The following TMEM266 variants were observed in gnomAD, a reference collection of about 807,000 sequenced individuals.
TMEM266 encodes Hv1 related protein 1.
In TMEM266, 33 loss-of-function variants were observed where a neutral mutation model predicts 50.5. The observed-to-expected ratio is 0.65, with a 90% CI of 0.50 to 0.87. The LOEUF is 0.87. Ranked by LOEUF, TMEM266 falls within the 40% of genes least tolerant of loss-of-function variation. TMEM266 has a pLI of 0.00. For synonymous variants in TMEM266, 310 were observed against 292.3 expected (o/e 1.06, Z -0.62); for missense variants, 655 against 695.1 (o/e 0.94, Z 0.65).
In TMEM266 at chr15:76,153,599, G is replaced by T. The variant is rs1031439300; in HGVS notation, c.228-3005G>T. ...CTAGAAAAGACCATGCTAGAGCTGT[G>T]GGGGAGGAGTGAGCAGGCAGAGGGC... On this transcript the variant is annotated intron_variant, in intron 3 of 10. Coordinates refer to ENST00000388942, the MANE Select transcript of TMEM266 (RefSeq NM_152335.3). The surrounding 1 kb of genome is among the most constrained non-coding windows in gnomAD (Gnocchi z 4.2). 1.3e-5 allele frequency among the ~76,000 whole-genome samples: 2 copies of T among 152,176 alleles called. No homozygotes were observed. The highest frequency in any genetic ancestry group is 2.9e-5 in the Non-Finnish European group (2 of 68,032).
At chr15:76,173,031 G>A (rs1200983067) in intron 7 of TMEM266, among the ~76,000 whole-genome samples, 1 of 152,168 alleles carries the variant, frequency 6.6e-6, no homozygotes, top group Admixed American at 6.5e-5. Context: ...AGCCTCAGGA[G>A]AGAGACGTGC....
chr15:76,124,616 T>G (rs1251079634), intron 1 of TMEM266, among the ~76,000 whole-genome samples: 1 of 151,884 alleles, frequency 6.6e-6, no homozygotes, highest in Non-Finnish European at 1.5e-5. Flanking sequence ...CTAGGCAACA[T>G]AGCAAGACCC....
chr15:76,188,088 C>A (rs561135443), intron 8 of TMEM266, among the ~76,000 whole-genome samples: 10 of 152,046 alleles, frequency 6.6e-5, no homozygotes, highest in South Asian at 6.2e-4. Flanking sequence ...CTTCCCCCCC[C>A]ACCCCGCCCC....
At chr15:76,187,453 G>A (rs1486268834) in intron 8 of TMEM266, among the ~76,000 whole-genome samples, 2 of 152,248 alleles carry the variant, frequency 1.3e-5, no homozygotes, top group Admixed American at 1.3e-4. Flanking sequence ...CAGGGCAGGA[G>A]GGGCTCCCCC....
chr15:76,111,559 C>T (rs1486970236), intron 1 of TMEM266, among the ~76,000 whole-genome samples: 1 of 152,132 alleles, frequency 6.6e-6, no homozygotes, highest in African/African-American at 2.4e-5. Flanking sequence ...AGGCGCCCGC[C>T]ACCATGCCCA....
At chr15:76,197,775 C>T (rs1027309198) in intron 9 of TMEM266, among the ~76,000 whole-genome samples, 2 of 152,172 alleles carry the variant, frequency 1.3e-5, no homozygotes, top group Non-Finnish European at 2.9e-5. Context: ...GCGCCCCATG[C>T]CCCTCTGCCA....
intron 1 of TMEM266, among the ~76,000 whole-genome samples, chr15:76,127,979 A>G (rs962195748): frequency 2.0e-5 from 3 of 152,130 alleles, no homozygotes; most frequent in Non-Finnish European, 4.4e-5. Context: ...CCTTTAGGTG[A>G]TTATTCTGGT....
At chr15:76,146,857 A>G (rs553824833) in intron 3 of TMEM266, among the ~76,000 whole-genome samples, 4 of 152,240 alleles carry the variant, frequency 2.6e-5, no homozygotes, top group African/African-American at 9.6e-5. Flanking sequence ...TCCTACCTCC[A>G]TCACCACACC....
At chr15:76,195,528 G>A (rs1365817807) in intron 9 of TMEM266, among the ~76,000 whole-genome samples, 2 of 152,250 alleles carry the variant, frequency 1.3e-5, no homozygotes, top group South Asian at 2.1e-4. Flanking sequence ...TGCCCACTTC[G>A]CCTGGCTTCC....
At chr15:76,194,584 C>G (rs1463839412) in intron 9 of TMEM266, among the ~76,000 whole-genome samples, 1 of 152,196 alleles carries the variant, frequency 6.6e-6, no homozygotes, top group Non-Finnish European at 1.5e-5. Context: ...GTGCTGGGGG[C>G]TGGAACCTGA....
chr15:76,136,105 G>A (rs1371065106), intron 2 of TMEM266, among the ~76,000 whole-genome samples: 1 of 152,052 alleles, frequency 6.6e-6, no homozygotes, highest in Non-Finnish European at 1.5e-5. Flanking sequence ...CACCACATCC[G>A]GCTAATTTTG....
At chr15:76,141,948 C>T (rs766130759) in intron 3 of TMEM266, among the ~76,000 whole-genome samples, 2 of 152,190 alleles carry the variant, frequency 1.3e-5, no homozygotes, top group African/African-American at 2.4e-5. Flanking sequence ...AATAATCATC[C>T]ACTGTGTGAC....
rs546550730 is a variant in TMEM266 at position 76,185,277 on chromosome 15, T to C, written c.769-6691T>C. 2.6e-5 allele frequency among the ~76,000 whole-genome samples: 4 copies of C among 152,354 alleles called. No individual in the cohort carries two copies. The South Asian group carries it at 6.2e-4, about 24-fold the overall frequency. On this transcript the variant is annotated intron_variant, in intron 8 of 10. Coordinates refer to ENST00000388942, the MANE Select transcript of TMEM266 (RefSeq NM_152335.3). The stretch of plus-strand genomic sequence containing the variant: ...AGGCCATTTGATTATGTCTCACGTT[T>C]CTCTTAGATCCTACTCTGCTCCACT...
At chr15:76,098,864 T>C (rs1176154504) in intron 1 of TMEM266, among the ~76,000 whole-genome samples, 1 of 152,198 alleles carries the variant, frequency 6.6e-6, no homozygotes, top group Non-Finnish European at 1.5e-5. Flanking sequence ...CCAGCAGCTT[T>C]GTTTACACTG....
chr15:76,199,866 A>C (rs1383597762), intron 9 of TMEM266, among the ~76,000 whole-genome samples: 1 of 145,864 alleles, frequency 6.9e-6, no homozygotes, highest in Non-Finnish European at 1.5e-5. Flanking sequence ...GGGCTTTCCA[A>C]GGAAAGGAGA....
At chr15:76,181,255 C>T (rs557719783) in intron 8 of TMEM266, 14 of 152,440 alleles carry the variant, frequency 9.2e-5, no homozygotes, top group African/African-American at 2.9e-4. Context: ...TGCCTTCCCT[C>T]CTGGATCACA....
At chr15:76,068,671 A>G (rs2036481367) in intron 1 of TMEM266, among the ~76,000 whole-genome samples, 1 of 152,258 alleles carries the variant, frequency 6.6e-6, no homozygotes, top group Non-Finnish European at 1.5e-5. Context: ...CACAGTGAGA[A>G]GGTGGCTGTC....
chr15:76,127,946 C>T (rs2037449608), intron 1 of TMEM266, among the ~76,000 whole-genome samples: 2 of 152,208 alleles, frequency 1.3e-5, no homozygotes, highest in African/African-American at 4.8e-5. Flanking sequence ...TGGGCGGAGC[C>T]AGCAAGCTGG....
At chr15:76,165,980 A>G (rs2038088938) in intron 5 of TMEM266, among the ~76,000 whole-genome samples, 2 of 152,170 alleles carry the variant, frequency 1.3e-5, no homozygotes, top group Non-Finnish European at 2.9e-5. Context: ...GCTTGTGCCC[A>G]GAGTTTCTGA....
Sources: gnomAD v4.1 joint callset for allele counts (sites outside exome capture counted in the v4.1 genomes callset) on GRCh38, gnomAD v4.1.1 for gene constraint, Gnocchi (gnomAD v3.1) non-coding constraint, MANE v1.5 for transcripts, NCBI Gene and HGNC (gene_info 2026-07-23, HGNC 2026-07-21) for gene names.